The following ERC2 variants were observed in gnomAD, a reference collection of about 807,000 sequenced individuals.
The protein encoded by ERC2 is ELKS/RAB6-interacting/CAST family member 2, also known as ERC protein 2.
ERC2 carries 42 observed loss-of-function variants against 114.8 expected under a neutral mutation model. The ratio of observed to expected loss-of-function variants is 0.37; its 90% CI spans 0.29 to 0.47. The LOEUF is 0.47. Among genes scored for constraint, ERC2 ranks in the 20% least tolerant of loss-of-function variants. The pLI, the probability that ERC2 is intolerant of heterozygous loss-of-function variation, is 0.99. For missense variants in ERC2, 939 were observed against 1,150.7 expected, an observed-to-expected ratio of 0.82 and a Z score of 2.66; for synonymous variants, 454 against 425.5, an observed-to-expected ratio of 1.07 and a Z score of -0.82.
At chr3:56,231,100 A>C (rs1183044800) in intron 3 of ERC2, among the ~76,000 whole-genome samples, 4 of 152,238 alleles carry the variant, frequency 2.6e-5, no homozygotes, top group Non-Finnish European at 5.9e-5. Flanking sequence ...AATTCAAACT[A>C]GGACAGTCTG....
chr3:55,520,627 CT>C lies in ERC2; in HGVS notation c.*40-9352del, dbSNP rs147794941. Reference sequence around the variant, plus strand: ...TACATAAATAATTGACTATTTCAAGCTTGATAAAAAGATACGGCCTTGTGAA... The same window carrying C: ...TACATAAATAATTGACTATTTCAAGCTGATAAAAAGATACGGCCTTGTGAA... On this transcript the variant is annotated intron_variant, in intron 17 of 17. Transcript: ENST00000288221. Among the ~76,000 whole-genome samples, 362 of 152,226 alleles carry C rather than the reference CT, an allele frequency of 2.4e-3. 11 individuals carry two copies. In the East Asian group the frequency reaches 0.051, roughly 21 times the overall value.
chr3:56,354,009 T>C (rs1331090365), intron 2 of ERC2, among the ~76,000 whole-genome samples: 2 of 152,120 alleles, frequency 1.3e-5, no homozygotes, highest in Non-Finnish European at 1.5e-5. Flanking sequence ...CAAAGTCAGA[T>C]AGCTAATAAG....
chr3:55,746,831 G>A (rs965551643), intron 14 of ERC2, among the ~76,000 whole-genome samples: 3 of 152,202 alleles, frequency 2.0e-5, no homozygotes, highest in Admixed American at 6.5e-5. Flanking sequence ...GTTCTCCCTT[G>A]TTGTGCCTGC....
intron 2 of ERC2, among the ~76,000 whole-genome samples, chr3:56,302,320 T>C (rs1478246627): frequency 1.3e-5 from 2 of 152,176 alleles, no homozygotes; most frequent in Non-Finnish European, 2.9e-5. Context: ...GAAATGGCCA[T>C]GGTGTCTCTG....
At chr3:55,751,615 G>T (rs760197087) in intron 14 of ERC2, among the ~76,000 whole-genome samples, 17 of 152,270 alleles carry the variant, frequency 1.1e-4, no homozygotes, top group South Asian at 1.0e-3. Flanking sequence ...TAACATAGAT[G>T]AGGCTTGCTC....
intron 17 of ERC2, among the ~76,000 whole-genome samples, chr3:55,557,239 C>T (rs115215058): frequency 0.015 from 2,239 of 151,986 alleles, 24 homozygotes; most frequent in Middle Eastern, 0.031. Flanking sequence ...TGGCAGATGG[C>T]CCCCCCAGTG....
intron 14 of ERC2, among the ~76,000 whole-genome samples, chr3:55,885,913 G>A (rs1381657423): frequency 6.6e-6 from 1 of 152,174 alleles, no homozygotes; most frequent in Non-Finnish European, 1.5e-5. Flanking sequence ...GAAGCAACAG[G>A]ATTCCACCCT....
At chr3:55,988,464 G>A (rs1030033252) in intron 11 of ERC2, among the ~76,000 whole-genome samples, 2 of 152,216 alleles carry the variant, frequency 1.3e-5, no homozygotes, top group African/African-American at 4.8e-5. Context: ...CACGCACATG[G>A]AATTTAAGAG....
At chr3:55,874,154 C>T (rs983699225) in intron 14 of ERC2, among the ~76,000 whole-genome samples, 6 of 152,308 alleles carry the variant, frequency 3.9e-5, no homozygotes, top group South Asian at 4.2e-4. Context: ...TCTGAGCTTG[C>T]CTCAAAGAAT....
At chr3:56,128,950 T>C (rs534415628) in intron 6 of ERC2, among the ~76,000 whole-genome samples, 31 of 152,362 alleles carry the variant, frequency 2.0e-4, no homozygotes, top group South Asian at 1.0e-3. Context: ...TGTTCTGTTA[T>C]AGTCATAAGG....
rs1189098787 is a variant in ERC2, at chr3:55,720,149, T to C, written c.2712+14622A>G. ...CTTCTTCCTCTTCTTCTTCCTCTTC[T>C]TCTTCTTCTTCTTCTTCTTCTTCTT... On this transcript the variant is annotated intron_variant, in intron 15 of 17. Coordinates refer to ENST00000288221, the MANE Select transcript of ERC2 (RefSeq NM_015576.3). 4.3e-3 allele frequency among the ~76,000 whole-genome samples: 5 copies of C among 1,162 alleles called. 1 individual carries two copies. The highest frequency in any genetic ancestry group is 8.3e-3 in the Non-Finnish European group (5 of 602). The allele number at this position is 1,162 out of a possible 152,430, so 0.8% of individuals were successfully genotyped here. A position where few individuals can be genotyped will look rare whatever the true frequency, so the allele number is the denominator to read the frequency against.
intron 7 of ERC2, among the ~76,000 whole-genome samples, chr3:56,067,688 G>C (rs113591047): frequency 1.4e-4 from 21 of 152,082 alleles, no homozygotes; most frequent in African/African-American, 4.6e-4. Flanking sequence ...ATCATAAATA[G>C]CTCTTATTAT....
intron 1 of ERC2, among the ~76,000 whole-genome samples, chr3:56,462,547 A>G (rs957014050): frequency 1.3e-5 from 2 of 152,184 alleles, no homozygotes; most frequent in African/African-American, 4.8e-5. Flanking sequence ...CCTAAATCTT[A>G]ATCCAGCCTA....
At chr3:55,535,862 CG>C (rs750402073) in intron 17 of ERC2, among the ~76,000 whole-genome samples, 4 of 152,020 alleles carry the variant, frequency 2.6e-5, no homozygotes, top group Non-Finnish European at 5.9e-5. Context: ...GACATGGTGG[CG>C]GGTGCCTGTA....
At chr3:55,616,899 CAG>C (rs2059143598) in intron 17 of ERC2, among the ~76,000 whole-genome samples, 1 of 152,094 alleles carries the variant, frequency 6.6e-6, no homozygotes, top group East Asian at 1.9e-4. Flanking sequence ...CTGTGAAAAA[CAG>C]GGGAGGAGGT....
chr3:55,575,139 C>T (rs772745649), intron 17 of ERC2, among the ~76,000 whole-genome samples: 2 of 152,170 alleles, frequency 1.3e-5, no homozygotes, highest in Non-Finnish European at 2.9e-5. Flanking sequence ...CTCAGCTTCC[C>T]GAGTAGCTGG....
chr3:56,128,480 A>G (rs78563853), intron 6 of ERC2, among the ~76,000 whole-genome samples: 4,609 of 152,316 alleles, frequency 0.03, 241 homozygotes, highest in African/African-American at 0.11. Context: ...TAAGTGCTCC[A>G]TGTCTTTCTC....
intron 3 of ERC2, among the ~76,000 whole-genome samples, chr3:56,177,903 A>G (rs1353676571): frequency 6.6e-6 from 1 of 152,210 alleles, no homozygotes; most frequent in Non-Finnish European, 1.5e-5. Context: ...TCACTTTTAA[A>G]AACAACAGAA....
chr3:56,332,650 G>C (rs558923964), intron 2 of ERC2, among the ~76,000 whole-genome samples: 2 of 152,300 alleles, frequency 1.3e-5, no homozygotes, highest in African/African-American at 2.4e-5. Context: ...TTTCACACTA[G>C]AGCCACACAG....
Sources: allele counts gnomAD v4.1 joint callset (sites outside exome capture counted in the v4.1 genomes callset), GRCh38; gene constraint gnomAD v4.1.1; transcripts MANE v1.5; gene names NCBI Gene and HGNC (gene_info 2026-07-23, HGNC 2026-07-21).